The following DOCK1 variants were observed in gnomAD, a reference collection of about 807,000 sequenced individuals.
DOCK1 encodes the protein dedicator of cytokinesis protein 1.
Under a neutral mutation model 262.7 loss-of-function variants are expected in DOCK1, and 138 were observed. That is an observed-to-expected ratio of 0.53 (90% CI 0.46 to 0.61). The LOEUF (loss-of-function observed/expected upper bound fraction) is 0.61. Ranked by LOEUF, DOCK1 falls within the 20% of genes least tolerant of loss-of-function variation. The probability of loss-of-function intolerance (pLI) is 0.00; values close to 1 mark genes in which losing one functional copy is unlikely to be tolerated. For synonymous variants in DOCK1, 866 were observed against 867.4 expected (o/e 1.00, Z 0.03); for missense variants, 1,908 against 2,370.7 (o/e 0.80, Z 4.05).
At chr10:126,950,806 G>A (rs929620155) in intron 1 of DOCK1, among the ~76,000 whole-genome samples, 118 of 152,236 alleles carry the variant, frequency 7.8e-4, no homozygotes, top group African/African-American at 2.6e-3. Flanking sequence ...TCAAGTGTTC[G>A]TTGGAGTTTC....
intron 29 of DOCK1, among the ~76,000 whole-genome samples, chr10:127,261,107 A>G (rs540309716): frequency 0.013 from 1,328 of 104,374 alleles, 14 homozygotes; most frequent in Middle Eastern, 0.02. Flanking sequence ...GTGTACCTGC[A>G]TGTGTGTGCA....
intron 1 of DOCK1, among the ~76,000 whole-genome samples, chr10:126,958,355 T>C (rs2036916210): frequency 1.3e-5 from 2 of 152,162 alleles, no homozygotes; most frequent in African/African-American, 4.8e-5. Flanking sequence ...ATGTTGCTGC[T>C]TTGGCTCCGT....
chr10:127,024,979 G>C (rs2042724551), intron 15 of DOCK1, 196 bp downstream of exon 15: 1 of 461,854 alleles, frequency 2.2e-6, no homozygotes, highest in African/African-American at 1.9e-5. Context: ...ATCTCCTTTT[G>C]GACGTAAAAA....
At chr10:127,016,900 C>T (rs556757825) in intron 12 of DOCK1, among the ~76,000 whole-genome samples, 2 of 143,362 alleles carry the variant, frequency 1.4e-5, no homozygotes, top group South Asian at 4.5e-4. Flanking sequence ...ATGCAGACAC[C>T]ACAAACACAG....
intron 24 of DOCK1, among the ~76,000 whole-genome samples, chr10:127,107,450 A>G (rs751650835): frequency 2.9e-4 from 44 of 152,164 alleles, no homozygotes; most frequent in Non-Finnish European, 6.0e-4. Context: ...CCTGCAGGGA[A>G]ACATTTATTT....
At chr10:127,099,839 C>T (rs1446948449) in intron 23 of DOCK1, among the ~76,000 whole-genome samples, 3 of 152,112 alleles carry the variant, frequency 2.0e-5, no homozygotes, top group African/African-American at 4.8e-5. Flanking sequence ...GTGTCCTGGA[C>T]GAAATGATGT....
chr10:126,972,214 C>T (rs2038166689), intron 2 of DOCK1, among the ~76,000 whole-genome samples: 1 of 152,180 alleles, frequency 6.6e-6, no homozygotes, highest in Admixed American at 6.5e-5. Context: ...CCGTGCCCGT[C>T]CTGAAGCAAT....
chr10:126,980,726 G>A (rs908176755), intron 3 of DOCK1, among the ~76,000 whole-genome samples: 19 of 148,606 alleles, frequency 1.3e-4, no homozygotes, highest in African/African-American at 4.0e-4. Flanking sequence ...GCTGAATGCC[G>A]GGGAAACCCA....
intron 48 of DOCK1, among the ~76,000 whole-genome samples, chr10:127,435,403 A>G (rs1009535447): frequency 6.6e-6 from 1 of 152,156 alleles, no homozygotes; most frequent in Non-Finnish European, 1.5e-5. Context: ...CCAACGACTG[A>G]TGTGCCCGAT....
At chr10:127,052,569 C>A in intron 21 of DOCK1, 112 bp from the exon 22 acceptor site, 5 of 1,396,866 alleles carry the variant, frequency 3.6e-6, no homozygotes, top group Non-Finnish European at 3.9e-6. Flanking sequence ...TATTCATATA[C>A]TGATAGATGG....
intron 1 of DOCK1, among the ~76,000 whole-genome samples, chr10:126,941,873 A>G (rs911855706): frequency 2.0e-5 from 3 of 152,188 alleles, no homozygotes; most frequent in Non-Finnish European, 4.4e-5. Flanking sequence ...CCGCCTTTGC[A>G]GGTGAGGTGC....
chr10:126,917,676 C>T (rs954191608), intron 1 of DOCK1, among the ~76,000 whole-genome samples: 23 of 152,142 alleles, frequency 1.5e-4, no homozygotes, highest in Non-Finnish European at 2.6e-4. Flanking sequence ...TGTTCCACCC[C>T]GGGCTGTGGG....
chr10:127,031,919 A>G (rs2043265150), intron 17 of DOCK1, among the ~76,000 whole-genome samples, 166 bp downstream of exon 17: 1 of 152,232 alleles, frequency 6.6e-6, no homozygotes, highest in African/African-American at 2.4e-5. Flanking sequence ...GTTGTTCCTA[A>G]CGGGAAAAGA....
intron 27 of DOCK1, among the ~76,000 whole-genome samples, chr10:127,208,378 T>G (rs1389743781): frequency 3.3e-5 from 5 of 152,194 alleles, no homozygotes; most frequent in East Asian, 1.9e-4. Flanking sequence ...GATTTAGTAT[T>G]TCATGCAACC....
At chr10:127,288,954 T>A (rs2061258041) in intron 29 of DOCK1, among the ~76,000 whole-genome samples, 1 of 152,166 alleles carries the variant, frequency 6.6e-6, no homozygotes, top group Admixed American at 6.5e-5. Flanking sequence ...ATCAATTTGA[T>A]ATTTAGGATA....
At chr10:127,403,004 T>A (rs1405559598) in intron 38 of DOCK1, 51 bp from the exon 39 acceptor site, 1 of 1,509,614 alleles carries the variant, frequency 6.6e-7, no homozygotes, top group African/African-American at 1.4e-5. Flanking sequence ...TTTGACTCTT[T>A]GCACAATTCA....
intron 1 of DOCK1, among the ~76,000 whole-genome samples, chr10:126,969,024 C>T (rs1235288763): frequency 1.3e-5 from 2 of 152,104 alleles, no homozygotes; most frequent in East Asian, 3.9e-4. Flanking sequence ...CTTTGGCTTT[C>T]TAAAAAGAAT....
chr10:127,450,970 G>T (rs535153192), intron 51 of DOCK1, among the ~76,000 whole-genome samples: 4 of 152,134 alleles, frequency 2.6e-5, no homozygotes, highest in African/African-American at 9.7e-5. Flanking sequence ...GCAAAAGAAG[G>T]TCTCTCATCT....
At chr10:126,906,131 GTGTGGGACCT>G (rs1015320915) in intron 1 of DOCK1, among the ~76,000 whole-genome samples, 6 of 152,226 alleles carry the variant, frequency 3.9e-5, no homozygotes, top group Admixed American at 2.6e-4. Flanking sequence ...GCTGGGGACC[GTGTGGGACCT>G]TGGAGAGAAG....
Sources: allele counts gnomAD v4.1 joint callset (sites outside exome capture counted in the v4.1 genomes callset), GRCh38; gene constraint gnomAD v4.1.1; transcripts MANE v1.5; gene names NCBI Gene and HGNC (gene_info 2026-07-23, HGNC 2026-07-21).